The following SMAD3 variants were observed in gnomAD, a reference collection of about 807,000 sequenced individuals.
SMAD3 encodes the protein SMAD family member 3.
In SMAD3, 12 loss-of-function variants were observed where a neutral mutation model predicts 51.8. The observed-to-expected ratio is 0.23, with a 90% CI of 0.15 to 0.38. The LOEUF (loss-of-function observed/expected upper bound fraction) is 0.38. Ranked by LOEUF, SMAD3 falls within the 10% of genes least tolerant of loss-of-function variation. SMAD3 has a pLI of 1.00. For missense variants in SMAD3, 294 were observed against 565.6 expected (o/e 0.52, Z 4.87); for synonymous variants, 238 against 227.7 (o/e 1.05, Z -0.41).
rs1292922361 is a variant in SMAD3 at position 67,194,585 on chromosome 15, T to TAA, written c.*4050_*4051dup. 4.3e-6 allele frequency: 1 copy of TAA among 232,134 alleles called. No homozygotes were observed. The highest frequency in any genetic ancestry group is 6.1e-5 in the East Asian group (1 of 16,430). The allele number at this position is 232,134 out of a possible 1,614,324, so 14.4% of individuals were successfully genotyped here. On this transcript the variant is annotated 3_prime_UTR_variant, in exon 9 of 9. Transcript: ENST00000327367. ...AATTTCTTAAAACCATTCAGACAGA[T>TAA]AACTATTTAATTTTTTTTAAGAAAG...
intron 1 of SMAD3, among the ~76,000 whole-genome samples, chr15:67,088,406 A>T (rs892857806): frequency 6.6e-6 from 1 of 152,186 alleles, no homozygotes; most frequent in South Asian, 2.1e-4. Flanking sequence ...GCTAGGTGAG[A>T]GCATCTGCCA....
intron 4 of SMAD3, among the ~76,000 whole-genome samples, chr15:67,169,122 A>G (rs1188196713): frequency 6.6e-6 from 1 of 152,226 alleles, no homozygotes; most frequent in Non-Finnish European, 1.5e-5. Context: ...GTCACACAGT[A>G]GATGATATTA....
At chr15:67,126,236 G>T (rs556896328) in intron 1 of SMAD3, among the ~76,000 whole-genome samples, 51 of 152,138 alleles carry the variant, frequency 3.4e-4, no homozygotes, top group Non-Finnish European at 5.7e-4. Context: ...GTCAGGCCAG[G>T]TGTTAGGATG....
intron 1 of SMAD3, among the ~76,000 whole-genome samples, chr15:67,111,953 A>C (rs1354072079): frequency 6.6e-6 from 1 of 151,380 alleles, no homozygotes; most frequent in Non-Finnish European, 1.5e-5. Context: ...ACACCTGGCT[A>C]ATTTTTGTAT....
At chr15:67,068,608 G>T (rs1218764952) in intron 1 of SMAD3, among the ~76,000 whole-genome samples, 2 of 152,218 alleles carry the variant, frequency 1.3e-5, no homozygotes, top group Admixed American at 1.3e-4. Flanking sequence ...TCTTCTGCCT[G>T]CCTGGATAGG....
rs1446138000 is a variant in SMAD3 at position 67,069,020 on chromosome 15, C to T, written c.206+2660C>T. ...AAAACACTCTGCAAGATCTGGACTC[C>T]GGGGTTTAAGGAGCCCTCAGTCTAA... is the stretch of plus-strand genomic sequence containing the variant. On this transcript the variant is annotated intron_variant, in intron 1 of 8. Coordinates refer to ENST00000327367, the MANE Select transcript of SMAD3 (RefSeq NM_005902.4). Among the ~76,000 whole-genome samples, 6 of 152,106 alleles carry T rather than the reference C, an allele frequency of 3.9e-5. No individual in the cohort carries two copies. In the South Asian group the frequency reaches 6.2e-4, roughly 16 times the overall value.
Position 67,181,296 on chromosome 15 carries a change from C to T in SMAD3, c.714C>T (p.Tyr238=), listed in dbSNP as rs149443777. Residue 238 remains tyrosine, a synonymous_variant, in exon 6 of 9, where the codon TAC becomes TAT. Coordinates refer to ENST00000327367, the MANE Select transcript of SMAD3 (RefSeq NM_005902.4). ...EPAFWCSISY[Y]ELNQRVGETF... ...CCTTCTGGTGCTCCATCTCCTACTA[C>T]GAGCTGAACCAGCGCGTCGGGGAGA... 3.5e-5 allele frequency: 57 copies of T among 1,613,866 alleles called. No homozygotes were observed. The East Asian group carries it at 6.0e-4, about 17-fold the overall frequency.
intron 1 of SMAD3, among the ~76,000 whole-genome samples, chr15:67,130,899 TG>T (rs2140252597): frequency 7.2e-6 from 1 of 138,718 alleles, no homozygotes; most frequent in South Asian, 2.4e-4. Flanking sequence ...GGGTATGAGG[TG>T]GGGGTGAGGA....
chr15:67,084,070 CTTTTTT>C (rs56675753), intron 1 of SMAD3, among the ~76,000 whole-genome samples: 8 of 85,066 alleles, frequency 9.4e-5, no homozygotes, highest in East Asian at 3.8e-4. Context: ...CTTTTTTTTT[CTTTTTT>C]TTTTTTTTTT....
chr15:67,165,396 G>A lies in SMAD3; in HGVS notation c.532+12G>A. ...GAGCAATATTCCAGGTAGGCACGTGGGCGGCACAGGCTGGCCTGGGAGGCA... is the reference window on the plus strand; with the variant it reads ...GAGCAATATTCCAGGTAGGCACGTGAGCGGCACAGGCTGGCCTGGGAGGCA... On this transcript the variant is annotated intron_variant, in intron 3 of 8. Transcript: ENST00000327367. 1.9e-6 allele frequency: 3 copies of A among 1,613,864 alleles called. No individual in the cohort carries two copies. The highest frequency in any genetic ancestry group is 2.5e-6 in the Non-Finnish European group (3 of 1,179,904).
intron 1 of SMAD3, among the ~76,000 whole-genome samples, chr15:67,161,575 T>G (rs1168143875): frequency 6.6e-6 from 1 of 152,130 alleles, no homozygotes. Context: ...CCCTAATCTG[T>G]GGGCACCCAG....
At chr15:67,183,025 ATATATATTTTTT>A (rs1309868728) in intron 6 of SMAD3, among the ~76,000 whole-genome samples, 4 of 69,590 alleles carry the variant, frequency 5.7e-5, no homozygotes, top group Non-Finnish European at 9.9e-5. Flanking sequence ...ATATATATAT[ATATATATTTTTT>A]TTTTTTTTTT....
At chr15:67,142,416 T>A (rs545923436) in intron 1 of SMAD3, among the ~76,000 whole-genome samples, 14 of 152,316 alleles carry the variant, frequency 9.2e-5, no homozygotes, top group African/African-American at 3.4e-4. Context: ...TGAGGACAAA[T>A]CACCAATGGG....
At chr15:67,111,856 C>T (rs867933259) in intron 1 of SMAD3, among the ~76,000 whole-genome samples, 5 of 152,114 alleles carry the variant, frequency 3.3e-5, no homozygotes, top group Admixed American at 6.5e-5. Context: ...GGTGCCATCT[C>T]GGCTCACTGC....
chr15:67,172,014 G>A (rs929119860), intron 5 of SMAD3, among the ~76,000 whole-genome samples: 7 of 152,214 alleles, frequency 4.6e-5, no homozygotes, highest in Non-Finnish European at 8.8e-5. Flanking sequence ...CTTCCAAGCA[G>A]ACACTTGCCT....
At chr15:67,132,807 A>ACTC (rs1404838006) in intron 1 of SMAD3, among the ~76,000 whole-genome samples, 1 of 151,600 alleles carries the variant, frequency 6.6e-6, no homozygotes, top group East Asian at 1.9e-4. Flanking sequence ...AAGCTGCCGC[A>ACTC]CTCCCCACTC....
At chr15:67,140,211 T>G (rs1280230709) in intron 1 of SMAD3, among the ~76,000 whole-genome samples, 1 of 152,202 alleles carries the variant, frequency 6.6e-6, no homozygotes, top group African/African-American at 2.4e-5. Flanking sequence ...GGCAGGGGAT[T>G]CTGGAAGAGA....
In SMAD3 at chr15:67,136,627, G is replaced by A. The variant is rs117319852; in HGVS notation, c.207-28268G>A. 3.0e-3 allele frequency among the ~76,000 whole-genome samples: 457 copies of A among 152,204 alleles called. 14 individuals are homozygous for A. In the East Asian group the frequency reaches 0.064, roughly 21 times the overall value. ...ATTATAGGCATGAGCCACTGCACCC[G>A]GCCCAGAGTCAGTTATTCTTAGAGC... On this transcript the variant is annotated intron_variant, in intron 1 of 8. Transcript: ENST00000327367.
intron 5 of SMAD3, among the ~76,000 whole-genome samples, chr15:67,177,435 T>TTTTTTTTTTTTG (rs1555413211): frequency 5.4e-5 from 8 of 147,858 alleles, no homozygotes; most frequent in Admixed American, 2.7e-4. Flanking sequence ...TTTTTTTTTT[T>TTTTTTTTTTTTG]GGTGTGTGGC....
Sources: allele counts gnomAD v4.1 joint callset (sites outside exome capture counted in the v4.1 genomes callset), GRCh38; gene constraint gnomAD v4.1.1; transcripts MANE v1.5; gene names NCBI Gene and HGNC (gene_info 2026-07-23, HGNC 2026-07-21).